The following PC variants were observed in gnomAD, a reference collection of about 807,000 sequenced individuals.
PC encodes the protein pyruvate carboxylase, mitochondrial.
Under a neutral mutation model 107.8 loss-of-function variants are expected in PC, and 46 were observed. The ratio of observed to expected loss-of-function variants is 0.43; its 90% CI spans 0.34 to 0.55. The LOEUF (loss-of-function observed/expected upper bound fraction) is 0.55. PC is among the 20% of genes least tolerant of loss of function. The probability of loss-of-function intolerance (pLI) is 0.04; values close to 1 mark genes in which losing one functional copy is unlikely to be tolerated. For missense variants in PC, 1,241 were observed against 1,643.1 expected, an observed-to-expected ratio of 0.76 and a Z score of 4.23; for synonymous variants, 662 against 684.7, an observed-to-expected ratio of 0.97 and a Z score of 0.52.
Position 66,954,284 on chromosome 11 carries a change from G to A in PC, c.-75C>T, listed in dbSNP as rs1245992124. The A allele has an allele frequency of 1.3e-5, 2 of 152,200 alleles. No homozygotes were observed. Among genetic ancestry groups the A allele is most frequent in the Admixed American group, 6.6e-5 (1 of 15,260 alleles). 9.4% of individuals were successfully genotyped at this position (152,200 alleles called of 1,614,324 possible). A position where few individuals can be genotyped will look rare whatever the true frequency, so the allele number is the denominator to read the frequency against. On this transcript the variant is annotated 5_prime_UTR_variant, in exon 2 of 23. Transcript: ENST00000393960. The stretch of plus-strand genomic sequence containing the variant: ...AAATGGAAGAAAGAGCCCAACAGGT[G>A]GAATCATATTAGAGAGTCTTGAACG...
intron 3 of PC, among the ~76,000 whole-genome samples, chr11:66,941,099 A>AC (rs1555048773): frequency 1.3e-5 from 2 of 151,002 alleles, no homozygotes; most frequent in Non-Finnish European, 2.9e-5. Context: ...AAAAAAAAAA[A>AC]AGGTGCTCAA....
At chr11:66,909,321 C>T (rs1948266199) in intron 3 of PC, among the ~76,000 whole-genome samples, 1 of 152,160 alleles carries the variant, frequency 6.6e-6, no homozygotes, top group Non-Finnish European at 1.5e-5. Flanking sequence ...CCAGGAGTGC[C>T]ATTCACAGTG....
At chr11:66,856,154 G>A (rs918687076) in intron 12 of PC, among the ~76,000 whole-genome samples, 4 of 152,216 alleles carry the variant, frequency 2.6e-5, no homozygotes, top group Non-Finnish European at 4.4e-5. Context: ...ACCTCACGCC[G>A]GGAGCCCTTT....
chr11:66,913,731 A>G (rs555336351), intron 3 of PC, among the ~76,000 whole-genome samples: 1 of 151,750 alleles, frequency 6.6e-6, no homozygotes, highest in Non-Finnish European at 1.5e-5. Context: ...CCCCAGGACG[A>G]CTCCACAGAA....
Position 66,849,047 on chromosome 11 carries a change from T to TTGGCCCCTGCCACCACTTTGATGTC in PC, c.3364_3388dup (p.Lys1130ArgfsTer50). On this transcript the variant is annotated frameshift_variant, in exon 23 of 23. Coordinates refer to ENST00000393960, the MANE Select transcript of PC (RefSeq NM_001040716.2). LOFTEE classifies it high-confidence loss of function. ...ACACAGGGGCTGGCCCTTGGCCACC[T>TTGGCCCCTGCCACCACTTTGATGTC]TGGCCCCTGCCACCACTTTGATGTC... 1 of 1,614,066 alleles carries TTGGCCCCTGCCACCACTTTGATGTC rather than the reference T, an allele frequency of 6.2e-7. No individual in the cohort carries two copies. The highest frequency in any genetic ancestry group is 8.5e-7 in the Non-Finnish European group (1 of 1,180,030).
rs765840797 is a variant in PC, at chr11:66,858,994, C to A, written c.1368+4780G>T. 4.0e-5 allele frequency: 62 copies of A among 1,547,856 alleles called. 1 individual carries two copies. The South Asian group carries it at 7.0e-4, about 18-fold the overall frequency. ...GTGCAGGTGACGGAGGTGACCGCCA[C>A]CTCAGGGCTGGTGAGCTGGGGTCCC... On this transcript the variant is annotated intron_variant, in intron 12 of 22. Coordinates refer to ENST00000393960, the MANE Select transcript of PC (RefSeq NM_001040716.2). The surrounding 1 kb of genome is among the most constrained non-coding windows in gnomAD (Gnocchi z 5.9).
chr11:66,921,561 G>C (rs1270288794), intron 3 of PC, among the ~76,000 whole-genome samples: 1 of 152,142 alleles, frequency 6.6e-6, no homozygotes, highest in Non-Finnish European at 1.5e-5. Flanking sequence ...CGGCCCTCTG[G>C]GGGTGGTGGC....
chr11:66,874,335 G>A (rs1161993890), intron 3 of PC, among the ~76,000 whole-genome samples: 2 of 152,160 alleles, frequency 1.3e-5, no homozygotes, highest in Non-Finnish European at 2.9e-5. Context: ...TGGTCTACCC[G>A]CCTCGGCCTC....
intron 3 of PC, among the ~76,000 whole-genome samples, chr11:66,884,039 G>A (rs1284053294): frequency 6.6e-6 from 1 of 152,164 alleles, no homozygotes; most frequent in Non-Finnish European, 1.5e-5. Flanking sequence ...AAGGTTGGGA[G>A]TTCAAGACCA....
chr11:66,861,004 G>A lies in PC; in HGVS notation c.1368+2770C>T, dbSNP rs114262119. On this transcript the variant is annotated intron_variant, in intron 12 of 22. Coordinates refer to ENST00000393960, the MANE Select transcript of PC (RefSeq NM_001040716.2). The stretch of plus-strand genomic sequence containing the variant: ...AAACGCCATCCCAAAGGGACTGGAA[G>A]GGCAGGGAACCCCACTGCTCTGCCA... Among the ~76,000 whole-genome samples, 139 of 152,328 alleles carry A rather than the reference G, an allele frequency of 9.1e-4. 1 individual carries two copies. Among genetic ancestry groups the A allele is most frequent in the African/African-American group, 3.3e-3 (137 of 41,586 alleles).
chr11:66,906,431 G>A (rs371346615), intron 3 of PC, among the ~76,000 whole-genome samples: 13 of 152,244 alleles, frequency 8.5e-5, no homozygotes, highest in South Asian at 2.1e-4. Flanking sequence ...GGTCTCCCTC[G>A]GTGTCACAGA....
Position 66,863,845 on chromosome 11 carries a change from C to T in PC, c.1297G>A (p.Gly433Ser), listed in dbSNP as rs908978048. The T allele has an allele frequency of 2.2e-5, 36 of 1,613,760 alleles. No homozygotes were observed. The highest frequency in any genetic ancestry group is 1.6e-4 in the Middle Eastern group (1 of 6,084). ...DSLLVKVIAH[G>S]KDHPTAATKM... ...GTGGCGGCCGTGGGGTGGTCTTTGCCGTGGGCAATGACTTTGACCAGCAGG... is the reference window on the plus strand; with the variant it reads ...GTGGCGGCCGTGGGGTGGTCTTTGCTGTGGGCAATGACTTTGACCAGCAGG... Residue 433 changes from glycine (G) to serine (S), a missense_variant, in exon 12 of 23, where the codon GGC becomes AGC. Around this residue, in one of 2 missense-constraint regions of PC, gnomAD observed 1,143 missense variants for 1,551.9 expected, o/e 0.74. Transcript: ENST00000393960.
chr11:66,854,524 G>C (rs542719175), intron 12 of PC, among the ~76,000 whole-genome samples: 2 of 152,320 alleles, frequency 1.3e-5, no homozygotes, highest in South Asian at 2.1e-4. Flanking sequence ...ACAACATGAG[G>C]CTGGGCCAGG....
rs751538836 is a variant in PC, at chr11:66,850,656, G to A, written c.2473+18C>T. ...CGGCTTTGAGAGGGGTGTGGCCACG[G>A]GCTGCTGTTCTTCCTACCTGTGTCC... On this transcript the variant is annotated intron_variant, in intron 18 of 22. Transcript: ENST00000393960. 6.2e-7 allele frequency: 1 copy of A among 1,606,174 alleles called. No individual in the cohort carries two copies. Among genetic ancestry groups the A allele is most frequent in the East Asian group, 2.2e-5 (1 of 44,862 alleles).
Position 66,879,979 on chromosome 11 carries a change from T to A in PC, c.1-7820A>T, listed in dbSNP as rs564679986. On this transcript the variant is annotated intron_variant, in intron 3 of 22. Transcript: ENST00000393960. Reference sequence around the variant, plus strand: ...CCTAGTTATGGCCCTGAAACTAAGCTCACCGCTGTGGTCACACAAGACCCC... The same window carrying A: ...CCTAGTTATGGCCCTGAAACTAAGCACACCGCTGTGGTCACACAAGACCCC... Among the ~76,000 whole-genome samples the A allele has an allele frequency of 2.6e-5, 4 of 152,214 alleles. No homozygotes were observed. In the East Asian group the frequency reaches 7.7e-4, roughly 29 times the overall value.
Position 66,848,697 on chromosome 11 carries a change from T to G in PC, c.*202A>C. On this transcript the variant is annotated 3_prime_UTR_variant, in exon 23 of 23. Coordinates refer to ENST00000393960, the MANE Select transcript of PC (RefSeq NM_001040716.2). ...ACCCTTATTTGGCAAGAGATGAACATGTAAGCAGCTGTCCGCCGGAGGAAA... is the reference window on the plus strand; with the variant it reads ...ACCCTTATTTGGCAAGAGATGAACAGGTAAGCAGCTGTCCGCCGGAGGAAA... 1.5e-6 allele frequency: 1 copy of G among 659,454 alleles called. No individual in the cohort carries two copies. Among genetic ancestry groups the G allele is most frequent in the Non-Finnish European group, 2.7e-6 (1 of 376,858 alleles). 40.9% of individuals were successfully genotyped at this position (659,454 alleles called of 1,614,324 possible).
In PC at chr11:66,916,617, G is replaced by A. The variant is rs1030201410; in HGVS notation, c.-1+35813C>T. ...GGGTAAAGATAGGGAACCAATAAACGTGGAAGGGAGAAAAGCATGACACTA... is the reference window on the plus strand; with the variant it reads ...GGGTAAAGATAGGGAACCAATAAACATGGAAGGGAGAAAAGCATGACACTA... On this transcript the variant is annotated intron_variant, in intron 3 of 22. Transcript: ENST00000393960. 2.0e-5 allele frequency among the ~76,000 whole-genome samples: 3 copies of A among 152,142 alleles called. 1 individual carries two copies. Among genetic ancestry groups the A allele is most frequent in the East Asian group, 3.9e-4 (2 of 5,182 alleles).
At chr11:66,929,615 C>T (rs1308797963) in intron 3 of PC, among the ~76,000 whole-genome samples, 2 of 152,168 alleles carry the variant, frequency 1.3e-5, no homozygotes, top group African/African-American at 2.4e-5. Context: ...GACCCACCCA[C>T]CTCGGCCTCC....
At chr11:66,896,247 T>G (rs1287040280) in intron 3 of PC, among the ~76,000 whole-genome samples, 1 of 152,062 alleles carries the variant, frequency 6.6e-6, no homozygotes, top group Non-Finnish European at 1.5e-5. Context: ...CCTAGCTAAT[T>G]TTTGTATTTT....
Sources: allele counts gnomAD v4.1 joint callset (sites outside exome capture counted in the v4.1 genomes callset), GRCh38; gene constraint gnomAD v4.1.1; regional missense constraint gnomAD v4.1.1; non-coding constraint Gnocchi (gnomAD v3.1); transcripts MANE v1.5; gene names NCBI Gene and HGNC (gene_info 2026-07-23, HGNC 2026-07-21).